The following RUNX1T1 variants were observed in gnomAD, a reference collection of about 807,000 sequenced individuals.
RUNX1T1 encodes protein CBFA2T1.
In RUNX1T1, 4 loss-of-function variants were observed where a neutral mutation model predicts 62.8. That is an observed-to-expected ratio of 0.06 (90% confidence interval 0.03 to 0.15). The LOEUF is 0.15. RUNX1T1 is among the 10% of genes least tolerant of loss of function. RUNX1T1 has a pLI of 1.00. For missense variants in RUNX1T1, 508 were observed against 754.3 expected (o/e 0.67, Z 3.82); for synonymous variants, 291 against 286.0 (o/e 1.02, Z -0.18).
At chr8:91,993,170 ACTT>A (rs1397909246) in intron 5 of RUNX1T1, among the ~76,000 whole-genome samples, 4 of 152,148 alleles carry the variant, frequency 2.6e-5, no homozygotes, top group African/African-American at 9.7e-5. Flanking sequence ...GCATAGAGGC[ACTT>A]CTTCTACTTT....
At chr8:91,959,451 T>C (rs1326459691) in exon 11 of RUNX1T1, 4,738 of 121,882 alleles carry the variant, frequency 0.039, 283 homozygotes, top group African/African-American at 0.19. Flanking sequence ...TGTGTGTGTG[T>C]GTGTGTGTGT....
chr8:92,065,850 G>A (rs974939077), upstream of RUNX1T1, among the ~76,000 whole-genome samples: 4 of 152,154 alleles, frequency 2.6e-5, no homozygotes, highest in Non-Finnish European at 4.4e-5. Context: ...GTGATACACT[G>A]TGACTTCACA....
chr8:92,044,801 C>G (rs954597498), intron 1 of RUNX1T1, among the ~76,000 whole-genome samples: 1 of 152,116 alleles, frequency 6.6e-6, no homozygotes, highest in African/African-American at 2.4e-5. Flanking sequence ...GAAAATCATA[C>G]CTAGTTTTGT....
chr8:92,063,210 C>A (rs1323397058), upstream of RUNX1T1, among the ~76,000 whole-genome samples: 2 of 152,140 alleles, frequency 1.3e-5, no homozygotes, highest in Non-Finnish European at 2.9e-5. Flanking sequence ...TATCATCCTG[C>A]ACAAAGTATC....
At position 92,062,784 on chromosome 8, in the gene RUNX1T1, C is replaced by A; in HGVS notation, c.-232G>T. The stretch of plus-strand genomic sequence containing the variant: ...GCAGAAATGTGGAGGATGACAGGAG[C>A]ACATGTGGCCTTGAACCCAGCCCTG... On this transcript the variant is annotated 5_prime_UTR_variant, in exon 1 of 11. Coordinates refer to ENST00000396218, the Ensembl canonical transcript of RUNX1T1. 4 of 1,494,502 alleles carry A rather than the reference C, an allele frequency of 2.7e-6. No individual in the cohort carries two copies. In the South Asian group the frequency reaches 5.2e-5, roughly 20 times the overall value. 92.6% of individuals were successfully genotyped at this position (1,494,502 alleles called of 1,614,324 possible).
At chr8:91,956,482 G>A (rs775324562), downstream of RUNX1T1, 10 of 226,342 alleles carry the variant, frequency 4.4e-5, no homozygotes, top group Non-Finnish European at 7.9e-5. Flanking sequence ...CCGGGGACGA[G>A]GGAGACAGAG....
chr8:92,097,232 C>G (rs949572731), intron 1 of RUNX1T1, among the ~76,000 whole-genome samples: 1 of 152,052 alleles, frequency 6.6e-6, no homozygotes, highest in African/African-American at 2.4e-5. Flanking sequence ...AAAAAGTGAC[C>G]AGGTTCAATA....
chr8:91,982,236 C>CAAA lies in RUNX1T1; in HGVS notation c.1198+3885_1198+3887dup, dbSNP rs34745107. Among the ~76,000 whole-genome samples the CAAA allele has an allele frequency of 2.9e-3, 233 of 79,194 alleles. 1 individual carries two copies. The highest frequency in any genetic ancestry group is 9.1e-3 in the African/African-American group (215 of 23,578). The allele number at this position is 79,194 out of a possible 152,430, so 52.0% of individuals were successfully genotyped here. A position where few individuals can be genotyped will look rare whatever the true frequency, so the allele number is the denominator to read the frequency against. On this transcript the variant is annotated intron_variant, in intron 8 of 10. Transcript: ENST00000396218. Reference sequence around the variant, plus strand: ...TGAGCAACAAAGTGAGACCCTGTCTCAAAAAAAAAAAAAAAAAAAATTAAC... The same window carrying CAAA: ...TGAGCAACAAAGTGAGACCCTGTCTCAAAAAAAAAAAAAAAAAAAAAAATTAAC...
At chr8:92,091,861 T>G (rs755859726) in intron 1 of RUNX1T1, among the ~76,000 whole-genome samples, 6 of 152,226 alleles carry the variant, frequency 3.9e-5, no homozygotes, top group Non-Finnish European at 7.3e-5. Context: ...AACTACCTCT[T>G]CTTTTGAGTT....
chr8:92,059,129 T>C (rs1226092548), intron 1 of RUNX1T1, among the ~76,000 whole-genome samples: 3 of 152,204 alleles, frequency 2.0e-5, no homozygotes, highest in Non-Finnish European at 4.4e-5. Context: ...AAAGTAATGC[T>C]GCATAATCTA....
chr8:92,061,868 C>T (rs1221264464), intron 1 of RUNX1T1, among the ~76,000 whole-genome samples: 3 of 152,140 alleles, frequency 2.0e-5, no homozygotes, highest in Non-Finnish European at 4.4e-5. Context: ...CCCCGGCCAG[C>T]CTTCTCCACA....
At chr8:91,963,355 A>G (rs1440286316) in intron 10 of RUNX1T1, among the ~76,000 whole-genome samples, 3 of 152,242 alleles carry the variant, frequency 2.0e-5, no homozygotes, top group Non-Finnish European at 4.4e-5. Flanking sequence ...TTAAAAAAAA[A>G]TCTGCAAATT....
chr8:92,082,670 G>T (rs1048217074), intron 1 of RUNX1T1, among the ~76,000 whole-genome samples: 1 of 152,148 alleles, frequency 6.6e-6, no homozygotes, highest in Non-Finnish European at 1.5e-5. Flanking sequence ...TCCGCATTGT[G>T]AGCCACGGCA....
intron 1 of RUNX1T1, among the ~76,000 whole-genome samples, chr8:92,090,620 C>A (rs1836841782): frequency 6.6e-6 from 1 of 152,092 alleles, no homozygotes; most frequent in Non-Finnish European, 1.5e-5. Context: ...AACTCTGATT[C>A]CTAAGTGGGG....
intron 7 of RUNX1T1, 117 bp downstream of exon 8, chr8:91,986,770 A>C (rs1363954238): frequency 7.1e-6 from 5 of 705,618 alleles, no homozygotes; most frequent in Non-Finnish European, 1.3e-5. Context: ...TTTTTTTTCA[A>C]GGATAGCAGG....
chr8:92,032,093 CAAAAAAAAAAAAAA>C (rs59047751), intron 1 of RUNX1T1, among the ~76,000 whole-genome samples: 1 of 29,534 alleles, frequency 3.4e-5, no homozygotes, highest in Non-Finnish European at 5.5e-5. Flanking sequence ...AATCCTGTCT[CAAAAAAAAAAAAAA>C]AAAAAAAAAA....
At chr8:92,033,247 G>A (rs995754332) in intron 1 of RUNX1T1, among the ~76,000 whole-genome samples, 64 of 151,962 alleles carry the variant, frequency 4.2e-4, no homozygotes, top group African/African-American at 1.5e-3. Context: ...CATCCACAGT[G>A]GAATACAATG....
intron 1 of RUNX1T1, among the ~76,000 whole-genome samples, chr8:92,087,351 T>C (rs1315289952): frequency 2.6e-5 from 4 of 151,296 alleles, no homozygotes; most frequent in African/African-American, 4.9e-5. Context: ...GCCACAGTAT[T>C]AATTTATTCT....
At chr8:92,002,576 T>C (rs920714366) in intron 5 of RUNX1T1, among the ~76,000 whole-genome samples, 2 of 152,180 alleles carry the variant, frequency 1.3e-5, no homozygotes, top group Admixed American at 1.3e-4. Context: ...GAGCGCTCTT[T>C]TGTTCATGAC....
Sources: allele counts gnomAD v4.1 joint callset (sites outside exome capture counted in the v4.1 genomes callset), GRCh38; gene constraint gnomAD v4.1.1; transcripts MANE v1.5; gene names NCBI Gene and HGNC (gene_info 2026-07-23, HGNC 2026-07-21).